PTPRD: variants seen among roughly 807,000 people sequenced by gnomAD.
The protein encoded by PTPRD is protein tyrosine phosphatase receptor type D.
PTPRD carries 34 observed loss-of-function variants against 214.5 expected under a neutral mutation model. The ratio of observed to expected loss-of-function variants is 0.16; its 90% CI spans 0.12 to 0.21. PTPRD has a LOEUF of 0.21. Ranked by LOEUF, PTPRD falls within the 10% of genes least tolerant of loss-of-function variation. The probability of loss-of-function intolerance (pLI) is 1.00; values close to 1 mark genes in which losing one functional copy is unlikely to be tolerated. For synonymous variants in PTPRD, 1,128 were observed against 845.7 expected, an observed-to-expected ratio of 1.33 and a Z score of -5.79; for missense variants, 2,545 against 2,398.7, an observed-to-expected ratio of 1.06 and a Z score of -1.27.
At chr9:10,013,301 C>G (rs1209922339) in intron 4 of PTPRD, among the ~76,000 whole-genome samples, 2 of 151,812 alleles carry the variant, frequency 1.3e-5, no homozygotes, top group Non-Finnish European at 2.9e-5. Flanking sequence ...TGGCGAAAGA[C>G]AGTTATCACA....
intron 12 of PTPRD, among the ~76,000 whole-genome samples, chr9:8,640,074 C>T (rs2096539657): frequency 6.6e-6 from 1 of 152,074 alleles, no homozygotes; most frequent in African/African-American, 2.4e-5. Flanking sequence ...GGGAGCACAA[C>T]CACACACCAC....
At chr9:8,848,667 C>A (rs527697391) in intron 11 of PTPRD, among the ~76,000 whole-genome samples, 3 of 151,814 alleles carry the variant, frequency 2.0e-5, no homozygotes, top group Non-Finnish European at 4.4e-5. Flanking sequence ...CTTGCCTGGA[C>A]GATGTGAGAT....
chr9:10,460,723 A>G (rs1216808941), intron 2 of PTPRD, among the ~76,000 whole-genome samples: 1 of 152,132 alleles, frequency 6.6e-6, no homozygotes, highest in Non-Finnish European at 1.5e-5. Flanking sequence ...CTCTTACACC[A>G]TACACAAAAA....
chr9:8,437,385 C>T (rs1042481512), intron 34 of PTPRD: 39 of 598,522 alleles, frequency 6.5e-5, no homozygotes, highest in Admixed American at 6.3e-5. Flanking sequence ...GTGGCTAGTA[C>T]AATGTGACTA....
At chr9:10,560,058 G>T (rs1202735245) in intron 2 of PTPRD, among the ~76,000 whole-genome samples, 1 of 152,156 alleles carries the variant, frequency 6.6e-6, no homozygotes, top group East Asian at 1.9e-4. Flanking sequence ...CCATTACTGG[G>T]TATATACCCA....
chr9:9,607,418 G>A (rs2094234069), intron 7 of PTPRD, among the ~76,000 whole-genome samples: 2 of 152,136 alleles, frequency 1.3e-5, no homozygotes, highest in African/African-American at 2.4e-5. Context: ...ACAACAAGCT[G>A]AAGAAAGAGA....
At position 8,315,277 on chromosome 9, in the gene PTPRD, A is replaced by C. The variant is rs940874514; in HGVS notation, c.*2597T>G. On this transcript the variant is annotated 3_prime_UTR_variant, in exon 46 of 46. Coordinates refer to ENST00000381196, the MANE Select transcript of PTPRD (RefSeq NM_002839.4). ...TCCGCCTCGTTCGTCTATGGTATGC[A>C]TCCCATTCATTTTCTTCTTCTGATT... is the stretch of plus-strand genomic sequence containing the variant. The C allele has an allele frequency of 8.6e-6, 2 of 232,562 alleles. No homozygotes were observed. The highest frequency in any genetic ancestry group is 1.7e-5 in the Non-Finnish European group (2 of 117,470). The allele number at this position is 232,562 out of a possible 1,614,324, so 14.4% of individuals were successfully genotyped here.
At chr9:9,503,114 T>A (rs10491612) in intron 8 of PTPRD, among the ~76,000 whole-genome samples, 2,965 of 151,768 alleles carry the variant, frequency 0.02, 92 homozygotes, top group African/African-American at 0.069. Flanking sequence ...ATAAATAAGG[T>A]CAAAGAAGGG....
intron 10 of PTPRD, among the ~76,000 whole-genome samples, chr9:9,051,011 T>C (rs1156823099): frequency 6.6e-6 from 1 of 152,164 alleles, no homozygotes; most frequent in Non-Finnish European, 1.5e-5. Context: ...TATAGTTAAT[T>C]TGTGAGCATT....
chr9:8,719,003 T>C (rs1275776844), intron 12 of PTPRD, among the ~76,000 whole-genome samples: 1 of 152,172 alleles, frequency 6.6e-6, no homozygotes, highest in Non-Finnish European at 1.5e-5. Flanking sequence ...ACCATGACTT[T>C]TGTGCTTTTA....
intron 2 of PTPRD, among the ~76,000 whole-genome samples, chr9:10,455,750 G>A (rs145527148): frequency 1.3e-5 from 2 of 151,718 alleles, no homozygotes; most frequent in African/African-American, 4.8e-5. Flanking sequence ...TCATTAAGTT[G>A]TTCAAAATTT....
intron 9 of PTPRD, among the ~76,000 whole-genome samples, chr9:9,378,880 T>C (rs2061459546): frequency 6.6e-6 from 1 of 152,048 alleles, no homozygotes; most frequent in South Asian, 2.1e-4. Context: ...TTTTTAAGTT[T>C]CTTATATATT....
chr9:9,166,316 A>G (rs1054922492), intron 10 of PTPRD, among the ~76,000 whole-genome samples: 2 of 152,074 alleles, frequency 1.3e-5, no homozygotes, highest in African/African-American at 2.4e-5. Context: ...TGGATGTCCA[A>G]AACTGACTCT....
intron 2 of PTPRD, among the ~76,000 whole-genome samples, chr9:10,585,180 G>A (rs1466094341): frequency 6.6e-6 from 1 of 151,984 alleles, no homozygotes; most frequent in African/African-American, 2.4e-5. Context: ...ATGGGAGAAG[G>A]AAGAGCACTA....
intron 10 of PTPRD, among the ~76,000 whole-genome samples, chr9:9,051,594 T>C (rs981058389): frequency 6.6e-6 from 1 of 152,146 alleles, no homozygotes; most frequent in Non-Finnish European, 1.5e-5. Context: ...AAAAATGAGG[T>C]AGAACATTTT....
At position 10,462,186 on chromosome 9, in the gene PTPRD, A is replaced by C. The variant is rs1010254530; in HGVS notation, c.-599-121169T>G. ...GTCACAAGGGGGCAAAAATAAGTAA[A>C]TATGTGAGCTGACAGTACACAATAC... On this transcript the variant is annotated intron_variant, in intron 2 of 45. Transcript: ENST00000381196. 2.6e-5 allele frequency among the ~76,000 whole-genome samples: 4 copies of C among 152,276 alleles called. No homozygotes were observed. In the South Asian group the frequency reaches 8.3e-4, roughly 32 times the overall value.
chr9:9,646,858 A>C (rs1173936535), intron 7 of PTPRD, among the ~76,000 whole-genome samples: 1 of 152,248 alleles, frequency 6.6e-6, no homozygotes, highest in East Asian at 1.9e-4. Flanking sequence ...AGTATATTGT[A>C]GTACAATAAT....
intron 10 of PTPRD, among the ~76,000 whole-genome samples, chr9:9,089,569 T>C (rs2099772526): frequency 6.6e-6 from 1 of 152,206 alleles, no homozygotes; most frequent in African/African-American, 2.4e-5. Context: ...TACAAATTGA[T>C]TCCATGTAGC....
At chr9:9,979,638 A>G (rs1309294899) in intron 4 of PTPRD, among the ~76,000 whole-genome samples, 1 of 152,192 alleles carries the variant, frequency 6.6e-6, no homozygotes, top group African/African-American at 2.4e-5. Flanking sequence ...TTTACCTGAA[A>G]TATTATGAAG....
Sources: allele counts gnomAD v4.1 joint callset (sites outside exome capture counted in the v4.1 genomes callset), GRCh38; gene constraint gnomAD v4.1.1; transcripts MANE v1.5; gene names NCBI Gene and HGNC (gene_info 2026-07-23, HGNC 2026-07-21).